Variants in KRT75 observed in about 807,000 individuals in gnomAD.
The protein encoded by KRT75 is keratin, type II cytoskeletal 75.
A neutral mutation model predicts 48.8 loss-of-function variants in KRT75; 35 were observed. That is an observed-to-expected ratio of 0.72 (90% CI 0.55 to 0.95). KRT75 has a LOEUF of 0.95. Among genes scored for constraint, KRT75 ranks in the 40% least tolerant of loss-of-function variants. The pLI, the probability that KRT75 is intolerant of heterozygous loss-of-function variation, is 0.00. For synonymous variants in KRT75, 301 were observed against 282.3 expected (o/e 1.07, Z -0.66); for missense variants, 776 against 709.9 (o/e 1.09, Z -1.06).
rs148544847 is a variant in KRT75 at position 52,433,992 on chromosome 12, C to T, written c.313G>A (p.Gly105Arg). 2.3e-4 allele frequency: 367 copies of T among 1,614,180 alleles called. No individual in the cohort carries two copies. The African/African-American group carries it at 4.5e-3, about 20-fold the overall frequency. Residue 105 changes from glycine (G) to arginine (R), a missense_variant, in exon 1 of 9, where the codon GGA becomes AGA. Gly to Arg is a moderately radical substitution (Grantham distance 125). Transcript: ENST00000252245. The part of the protein sequence containing the change: ...NSGFGYGGGV[G>R]GGFSGPSFPV... Reference sequence around the variant, plus strand: ...AAGCTGGGGCCACTGAAGCCTCCTCCAACTCCACCCCCATAGCCAAATCCA... The same window carrying T: ...AAGCTGGGGCCACTGAAGCCTCCTCTAACTCCACCCCCATAGCCAAATCCA...
chr12:52,426,741 C>T, intron 8 of KRT75, 76 bp downstream of exon 8: 2 of 1,432,886 alleles, frequency 1.4e-6, no homozygotes, highest in East Asian at 2.3e-5. Flanking sequence ...TATCTTCACC[C>T]TCTGGCAAGC....
chr12:52,424,478 C>T lies in KRT75; in HGVS notation c.*39G>A, dbSNP rs1249181265. The T allele has an allele frequency of 1.9e-6, 3 of 1,567,152 alleles. No homozygotes were observed. The highest frequency in any genetic ancestry group is 1.8e-6 in the Non-Finnish European group (2 of 1,137,242). On this transcript the variant is annotated 3_prime_UTR_variant, in exon 9 of 9. Transcript: ENST00000252245. The stretch of plus-strand genomic sequence containing the variant: ...CCTGGTGTCCAGGTGTGACTGCAAA[C>T]AGGCCTCAAGGCAGGGTAGAGGGAG...
chr12:52,432,922 C>T, intron 2 of KRT75, 116 bp downstream of exon 2: 2 of 991,298 alleles, frequency 2.0e-6, no homozygotes, highest in Non-Finnish European at 3.1e-6. Flanking sequence ...AGGATAAAGG[C>T]TGCAGTTCCA....
chr12:52,428,401 G>C lies in KRT75; in HGVS notation c.1237C>G (p.Leu413Val). 1.2e-6 allele frequency: 2 copies of C among 1,614,184 alleles called. No homozygotes were observed. The highest frequency in any genetic ancestry group is 1.7e-6 in the Non-Finnish European group (2 of 1,180,034). ...TGCAGGGCCTCCTCAAGGTCCACCAGCTTGGCCCGTGCATCCTTGAGAGCC... is the reference window on the plus strand; with the variant it reads ...TGCAGGGCCTCCTCAAGGTCCACCACCTTGGCCCGTGCATCCTTGAGAGCC... ...ELALKDARAKLVDLEEALQKA... is the reference protein window; with the variant it reads ...ELALKDARAKVVDLEEALQKA... The change falls in exon 7 of 9, where the codon CTG (leucine) becomes GTG (valine). Residue 413 changes from leucine (L) to valine (V), a missense_variant. Coordinates refer to ENST00000252245, the MANE Select transcript of KRT75 (RefSeq NM_004693.3).
chr12:52,431,409 C>A (rs532680159), intron 4 of KRT75, 134 bp downstream of exon 4: 9 of 757,398 alleles, frequency 1.2e-5, no homozygotes, highest in Admixed American at 3.9e-5. Context: ...GTCCCCCTAC[C>A]ACCCAAGCCC....
chr12:52,424,610 G>C lies in KRT75; in HGVS notation c.1563C>G (p.Phe521Leu). The change falls in exon 9 of 9, where the codon TTC becomes TTG. Residue 521 changes from phenylalanine (F) to leucine (L), a missense_variant. Coordinates refer to ENST00000252245, the MANE Select transcript of KRT75 (RefSeq NM_004693.3). ...SLGAGLGGSG[F>L]SATSNRGLGG... is the part of the protein sequence containing the mutation. ...CTAAGCCCCGGTTGCTGGTGGCACTGAATCCAGAACCTCCCAGGCCTGCAC... is the reference window on the plus strand; with the variant it reads ...CTAAGCCCCGGTTGCTGGTGGCACTCAATCCAGAACCTCCCAGGCCTGCAC... 6.2e-7 allele frequency: 1 copy of C among 1,614,184 alleles called. No individual in the cohort carries two copies. The highest frequency in any genetic ancestry group is 8.5e-7 in the Non-Finnish European group (1 of 1,180,026).
Position 52,424,210 on chromosome 12 carries a change from G to A in KRT75, c.*307C>T. 1 of 433,540 alleles carries A rather than the reference G, an allele frequency of 2.3e-6. No homozygotes were observed. Among genetic ancestry groups the A allele is most frequent in the Non-Finnish European group, 4.3e-6 (1 of 231,860 alleles). The allele number at this position is 433,540 out of a possible 1,614,324, so 26.9% of individuals were successfully genotyped here. On this transcript the variant is annotated 3_prime_UTR_variant, in exon 9 of 9. Transcript: ENST00000252245. ...AGACTCCCCAGCCTCTGCATCTGGAGGGAGGGAGGGAGGTGGAGCTGGAGG... is the reference window on the plus strand; with the variant it reads ...AGACTCCCCAGCCTCTGCATCTGGAAGGAGGGAGGGAGGTGGAGCTGGAGG...
intron 8 of KRT75, among the ~76,000 whole-genome samples, chr12:52,425,124 G>A (rs1940061963): frequency 6.6e-6 from 1 of 152,060 alleles, no homozygotes. Context: ...ATGGGGGGAG[G>A]GGCACACTCC....
chr12:52,430,476 A>G, intron 5 of KRT75, 65 bp downstream of exon 5: 3 of 1,500,990 alleles, frequency 2.0e-6, no homozygotes, highest in Non-Finnish European at 1.9e-6. Context: ...GGCTGAGTTA[A>G]GTGATAATGT....
At chr12:52,433,696 T>C (rs562430035) in intron 1 of KRT75, 111 bp downstream of exon 1, 19 of 1,533,748 alleles carry the variant, frequency 1.2e-5, no homozygotes, top group Non-Finnish European at 1.6e-5. Flanking sequence ...TGCTGAACAG[T>C]GCTCATTCCC....
chr12:52,434,027 C>T lies in KRT75; in HGVS notation c.278G>A (p.Gly93Glu). 1 of 1,614,114 alleles carries T rather than the reference C, an allele frequency of 6.2e-7. No individual in the cohort carries two copies. The highest frequency in any genetic ancestry group is 8.5e-7 in the Non-Finnish European group (1 of 1,179,998). The change falls in exon 1 of 9, where the codon GGA (glycine) becomes GAA (glutamate). Residue 93 changes from glycine (G) to glutamate (E), a missense_variant. By Grantham distance (98) the Gly-to-Glu change is moderately conservative (BLOSUM62 -2). Transcript: ENST00000252245. ...CCCATAGCCAAATCCACTGTTGACT[C>T]CAAACCTGTTGCTGGCCCTGCCACC... Reference protein sequence around the residue: ...GFGGRASNRFGVNSGFGYGGG... With the variant: ...GFGGRASNRFEVNSGFGYGGG...
intron 7 of KRT75, 162 bp downstream of exon 7, chr12:52,428,094 C>T: frequency 2.2e-6 from 2 of 897,928 alleles, no homozygotes; most frequent in South Asian, 1.5e-5. Context: ...GATTTACTAG[C>T]CTGGAAGGAA....
At chr12:52,424,798 A>G (rs779638163) in intron 8 of KRT75, 43 bp from the exon 9 acceptor site, 6 of 1,487,134 alleles carry the variant, frequency 4.0e-6, no homozygotes, top group Non-Finnish European at 5.6e-6. Context: ...AGTGCAAGCG[A>G]GAAGACAGCT....
rs1277778756 is a variant in KRT75, at chr12:52,434,152, G to A, written c.153C>T (p.Ser51=). 2 of 1,613,912 alleles carry A rather than the reference G, an allele frequency of 1.2e-6. No homozygotes were observed. Among genetic ancestry groups the A allele is most frequent in the Non-Finnish European group, 1.7e-6 (2 of 1,179,850 alleles). ...GGCTTCCAAAGCTGGCCCCAGCACT[G>A]CTGATCCTTCCCAGGCCCCCACTCC... is the stretch of plus-strand genomic sequence containing the variant. ...AAGSGGLGRI[S]SAGASFGSRS... The change falls in exon 1 of 9, where the codon AGC becomes AGT. Residue 51 remains serine (S), a synonymous_variant. Transcript: ENST00000252245.
Position 52,430,717 on chromosome 12 carries a change from T to C in KRT75, c.871-12A>G, listed in dbSNP as rs1218224484. ...AACTGGGACAGCTCCTGCAGGGCAG[T>C]AAACTCAGCATCACCAAGGCATAAG... On this transcript the variant is annotated splice_polypyrimidine_tract_variant and intron_variant, in intron 4 of 8. Transcript: ENST00000252245. 1 of 1,614,106 alleles carries C rather than the reference T, an allele frequency of 6.2e-7. No individual in the cohort carries two copies. The highest frequency in any genetic ancestry group is 1.7e-5 in the Admixed American group (1 of 60,024).
At chr12:52,433,287 G>C (rs753622479) in intron 1 of KRT75, 35 bp from the exon 2 acceptor site, 2 of 1,568,286 alleles carry the variant, frequency 1.3e-6, no homozygotes, top group Middle Eastern at 1.8e-4. Flanking sequence ...ACCTTGAGAA[G>C]TTGGAGAGGC....
rs1410361109 is a variant in KRT75 at position 52,428,280 on chromosome 12, T to C, written c.1358A>G (p.Lys453Arg). The C allele has an allele frequency of 6.2e-7, 1 of 1,614,080 alleles. No individual in the cohort carries two copies. The highest frequency in any genetic ancestry group is 8.5e-7 in the Non-Finnish European group (1 of 1,180,032). Residue 453 changes from lysine (K) to arginine (R), a missense_variant, in exon 7 of 9, where the codon AAG (lysine) becomes AGG (arginine). Lys to Arg is a conservative substitution (Grantham distance 26). Transcript: ENST00000252245. ...ALDVEIATYRKLLEGEECRLS... is the reference protein window; with the variant it reads ...ALDVEIATYRRLLEGEECRLS... ...CCTGCACTCCTCGCCTTCCAGCAGCTTGCGGTAGGTGGCGATCTCCACGTC... is the reference window on the plus strand; with the variant it reads ...CCTGCACTCCTCGCCTTCCAGCAGCCTGCGGTAGGTGGCGATCTCCACGTC...
Position 52,424,382 on chromosome 12 carries a change from T to A in KRT75, c.*135A>T. 2 of 852,422 alleles carry A rather than the reference T, an allele frequency of 2.3e-6. No homozygotes were observed. Among genetic ancestry groups the A allele is most frequent in the Non-Finnish European group, 4.0e-6 (2 of 494,032 alleles). 52.8% of individuals were successfully genotyped at this position (852,422 alleles called of 1,614,324 possible). A position where few individuals can be genotyped will look rare whatever the true frequency, so the allele number is the denominator to read the frequency against. ...GGAGAGGCTGGCTTAGGCCTGGGAA[T>A]GGGTATAGCCAGTACTCCAGGCTCC... On this transcript the variant is annotated 3_prime_UTR_variant, in exon 9 of 9. Transcript: ENST00000252245.
intron 5 of KRT75, among the ~76,000 whole-genome samples, chr12:52,429,296 G>C (rs1940114178): frequency 6.6e-6 from 1 of 152,198 alleles, no homozygotes. Flanking sequence ...CAGTGCTGGG[G>C]AAACAGGGAG....
Sources: gnomAD v4.1 joint callset for allele counts (sites outside exome capture counted in the v4.1 genomes callset) on GRCh38, gnomAD v4.1.1 for gene constraint, MANE v1.5 for transcripts, NCBI Gene and HGNC (gene_info 2026-07-23, HGNC 2026-07-21) for gene names.